FBXW11: variants seen among roughly 807,000 people sequenced by gnomAD.
FBXW11 encodes the protein F-box/WD repeat-containing protein 11.
A neutral mutation model predicts 77.6 loss-of-function variants in FBXW11; 19 were observed. The ratio of observed to expected loss-of-function variants is 0.24; its 90% CI spans 0.17 to 0.36. The LOEUF (loss-of-function observed/expected upper bound fraction) is 0.36. FBXW11 is among the 10% of genes least tolerant of loss of function. The probability of loss-of-function intolerance (pLI) is 1.00; values close to 1 mark genes in which losing one functional copy is unlikely to be tolerated. For synonymous variants in FBXW11, 235 were observed against 249.4 expected, an observed-to-expected ratio of 0.94 and a Z score of 0.54; for missense variants, 334 against 704.2, an observed-to-expected ratio of 0.47 and a Z score of 5.95.
chr5:171,869,944 A>G lies in FBXW11; in HGVS notation c.1452-137T>C, dbSNP rs760031108. 4.1e-6 allele frequency: 2 copies of G among 485,730 alleles called. No individual in the cohort carries two copies. Among genetic ancestry groups the G allele is most frequent in the Admixed American group, 4.1e-5 (1 of 24,246 alleles). 30.1% of individuals were successfully genotyped at this position (485,730 alleles called of 1,614,324 possible). A position where few individuals can be genotyped will look rare whatever the true frequency, so the allele number is the denominator to read the frequency against. ...GGGGAACATGCTTATGTTTTTACAA[A>G]TCATCTGAACCAATTACACTTGATT... On this transcript the variant is annotated intron_variant, in intron 11 of 13. Transcript: ENST00000517395. The surrounding 1 kb of genome is among the most constrained non-coding windows in gnomAD (Gnocchi z 4.1).
chr5:171,918,147 T>C (rs1444916760), intron 2 of FBXW11, among the ~76,000 whole-genome samples: 1 of 152,076 alleles, frequency 6.6e-6, no homozygotes, highest in Non-Finnish European at 1.5e-5. Flanking sequence ...CTCAGCCTGC[T>C]ACAGGTTGAG....
At chr5:171,993,550 T>C (rs1157381063) in intron 1 of FBXW11, among the ~76,000 whole-genome samples, 1 of 151,884 alleles carries the variant, frequency 6.6e-6, no homozygotes, top group Non-Finnish European at 1.5e-5. Context: ...GAGGCGGAGG[T>C]TGCAGTGAGC....
chr5:171,924,292 C>T (rs916702929), intron 2 of FBXW11, among the ~76,000 whole-genome samples: 1 of 152,116 alleles, frequency 6.6e-6, no homozygotes, highest in African/African-American at 2.4e-5. Context: ...ATGAAGCCCA[C>T]GACCCAGAGT....
At chr5:171,916,319 G>T in intron 2 of FBXW11, 1 of 306,920 alleles carries the variant, frequency 3.3e-6, no homozygotes, top group Non-Finnish European at 4.8e-6. Flanking sequence ...TAATTTCAGA[G>T]ATTTTGACAG....
At chr5:171,961,621 A>G (rs1430677088) in intron 1 of FBXW11, among the ~76,000 whole-genome samples, 1 of 151,748 alleles carries the variant, frequency 6.6e-6, no homozygotes, top group Non-Finnish European at 1.5e-5. Context: ...AGAGCATTAA[A>G]TTACAGCTAG....
chr5:171,965,936 C>A (rs1047056446), intron 1 of FBXW11, among the ~76,000 whole-genome samples: 7 of 152,184 alleles, frequency 4.6e-5, no homozygotes, highest in Admixed American at 2.0e-4. Flanking sequence ...ATAGTGAGTT[C>A]TCACAGAATC....
At chr5:171,930,132 T>C (rs1419176408) in intron 2 of FBXW11, among the ~76,000 whole-genome samples, 3 of 152,200 alleles carry the variant, frequency 2.0e-5, no homozygotes, top group Non-Finnish European at 4.4e-5. Flanking sequence ...TCACATTATG[T>C]ATGAAAATAC....
In FBXW11 at chr5:171,872,909, G is replaced by A; in HGVS notation, c.1303C>T (p.Arg435Cys). 5 of 1,614,032 alleles carry A rather than the reference G, an allele frequency of 3.1e-6. No individual in the cohort carries two copies. The highest frequency in any genetic ancestry group is 3.4e-6 in the Non-Finnish European group (4 of 1,179,954). Reference sequence around the variant, plus strand: ...TCTGATGATCCACTAACAACCAGGCGATCCCTGTACTGGAGACAGGCAATG... The same window carrying A: ...TCTGATGATCCACTAACAACCAGGCAATCCCTGTACTGGAGACAGGCAATG... ...RGIACLQYRD[R>C]LVVSGSSDNT... Residue 435 changes from arginine (R) to cysteine (C), a missense_variant, in exon 10 of 14, where the codon CGC becomes TGC. Physicochemically the swap from Arg to Cys is radical, Grantham distance 180. Around this residue, in one of 10 missense-constraint regions of FBXW11, gnomAD observed 50 missense variants for 119.6 expected, o/e 0.42. Coordinates refer to ENST00000517395, the MANE Select transcript of FBXW11 (RefSeq NM_001378974.1).
At chr5:171,871,135 T>C (rs1188499822) in intron 10 of FBXW11, among the ~76,000 whole-genome samples, 1 of 152,244 alleles carries the variant, frequency 6.6e-6, no homozygotes, top group Non-Finnish European at 1.5e-5. Context: ...TCTGTATTAC[T>C]ATTTAAATAA....
chr5:171,933,117 C>G (rs941058961), intron 2 of FBXW11, among the ~76,000 whole-genome samples: 10 of 101,310 alleles, frequency 9.9e-5, no homozygotes, highest in African/African-American at 3.9e-4. Flanking sequence ...GGAAACAAAG[C>G]AAGACCTTCT....
In FBXW11 at chr5:171,961,553, A is replaced by C. The variant is rs148773520; in HGVS notation, c.46-3855T>G. ...GTCTTAGATCTAATAGATCAGGAGG[A>C]CATTGATCCAATTTGAAAATAATGG... On this transcript the variant is annotated intron_variant, in intron 1 of 13. Transcript: ENST00000517395. Among the ~76,000 whole-genome samples the C allele has an allele frequency of 1.5e-3, 223 of 152,334 alleles. 1 individual carries two copies. The highest frequency in any genetic ancestry group is 2.7e-3 in the Non-Finnish European group (186 of 68,030).
At chr5:171,883,225 G>A (rs1372389261) in intron 7 of FBXW11, among the ~76,000 whole-genome samples, 5 of 152,168 alleles carry the variant, frequency 3.3e-5, no homozygotes, top group Non-Finnish European at 5.9e-5. Flanking sequence ...TTTTGCAATT[G>A]TGAATTGTGC....
At position 171,863,599 on chromosome 5, in the gene FBXW11, A is replaced by T. The variant is rs1216355569; in HGVS notation, c.*528T>A. ...CAGAGAAAATTTTCCACTGTCCAAC[A>T]TGTTCCTAATACAACAAGTCAGAAT... On this transcript the variant is annotated 3_prime_UTR_variant, in exon 14 of 14. Transcript: ENST00000517395. 6.6e-6 allele frequency: 1 copy of T among 152,668 alleles called. No individual in the cohort carries two copies. Among genetic ancestry groups the T allele is most frequent in the African/African-American group, 2.4e-5 (1 of 41,462 alleles). 9.5% of individuals were successfully genotyped at this position (152,668 alleles called of 1,614,324 possible).
chr5:171,864,963 C>CAAAA lies in FBXW11; in HGVS notation c.*26-866_*26-863dup, dbSNP rs1281081433. ...GAAAGTCTAAAGTCACCTTAGGTGG[C>CAAAA]AAAAAAAAAAAAAAAAGCAAGAGAG... On this transcript the variant is annotated intron_variant, in intron 13 of 13. Transcript: ENST00000517395. Among the ~76,000 whole-genome samples, 17 of 66,320 alleles carry CAAAA rather than the reference C, an allele frequency of 2.6e-4. 1 individual carries two copies. The highest frequency in any genetic ancestry group is 8.9e-4 in the African/African-American group (17 of 19,034). 43.5% of individuals were successfully genotyped at this position (66,320 alleles called of 152,430 possible). A position where few individuals can be genotyped will look rare whatever the true frequency, so the allele number is the denominator to read the frequency against.
chr5:171,943,184 T>C (rs1762834648), intron 2 of FBXW11, among the ~76,000 whole-genome samples: 1 of 152,238 alleles, frequency 6.6e-6, no homozygotes, highest in Admixed American at 6.5e-5. Flanking sequence ...ACAGTGTTCA[T>C]ATGCAATCTG....
At chr5:171,928,374 T>C (rs1761996561) in intron 2 of FBXW11, among the ~76,000 whole-genome samples, 1 of 152,224 alleles carries the variant, frequency 6.6e-6, no homozygotes. Context: ...AACGATGTTT[T>C]TTGCGTAAGT....
At chr5:171,881,783 T>C (rs1758523639) in intron 7 of FBXW11, among the ~76,000 whole-genome samples, 1 of 152,242 alleles carries the variant, frequency 6.6e-6, no homozygotes, top group East Asian at 1.9e-4. Flanking sequence ...ATTACCTATT[T>C]GTTTTTATGT....
intron 2 of FBXW11, among the ~76,000 whole-genome samples, chr5:171,940,566 G>T (rs964726727): frequency 9.9e-5 from 15 of 152,226 alleles, no homozygotes; most frequent in South Asian, 6.2e-4. Context: ...AAATAAGGAA[G>T]TACTTAAACA....
At chr5:171,977,617 G>T (rs538575843) in intron 1 of FBXW11, 1 of 451,264 alleles carries the variant, frequency 2.2e-6, no homozygotes, top group South Asian at 1.6e-5. Flanking sequence ...ACAAAAGAAA[G>T]AAGTTTAACT....
Sources: gnomAD v4.1 joint callset for allele counts (sites outside exome capture counted in the v4.1 genomes callset) on GRCh38, gnomAD v4.1.1 for gene constraint, gnomAD v4.1.1 regional missense constraint, Gnocchi (gnomAD v3.1) non-coding constraint, MANE v1.5 for transcripts, NCBI Gene and HGNC (gene_info 2026-07-23, HGNC 2026-07-21) for gene names.